The following ADGRV1 variants were observed in gnomAD, a reference collection of about 807,000 sequenced individuals.
The protein encoded by ADGRV1 is adhesion G protein-coupled receptor V1.
ADGRV1 carries 359 observed loss-of-function variants against 596.2 expected under a neutral mutation model. The ratio of observed to expected loss-of-function variants is 0.60; its 90% CI spans 0.55 to 0.66. The LOEUF (loss-of-function observed/expected upper bound fraction) is 0.66. Ranked by LOEUF, ADGRV1 falls within the 30% of genes least tolerant of loss-of-function variation. The pLI is 0.00. For synonymous variants in ADGRV1, 2,681 were observed against 2,679.2 expected (o/e 1.00, Z -0.02); for missense variants, 7,274 against 7,575.6 (o/e 0.96, Z 1.48).
At position 90,643,932 on chromosome 5, in the gene ADGRV1, G is replaced by C. The variant is rs1767340674; in HGVS notation, c.2683G>C (p.Asp895His). 6.2e-7 allele frequency: 1 copy of C among 1,612,422 alleles called. No individual in the cohort carries two copies. The change falls in exon 14 of 90, where the codon GAT becomes CAT. Residue 895 changes from aspartate (D) to histidine (H), a missense_variant. By Grantham distance (81) the Asp-to-His change is moderately conservative. Around this residue, in one of 5 missense-constraint regions of ADGRV1, gnomAD observed 1,715 missense variants for 1,708.8 expected, o/e 1.00. Transcript: ENST00000405460. ...DPHGIIEFVSDGLIVMINESK... is the reference protein window; with the variant it reads ...DPHGIIEFVSHGLIVMINESK... ...TCATGGCATTATAGAATTTGTTTCT[G>C]ATGGTCTAATTGTGATGATAAATGA...
chr5:90,736,648 C>A (rs1753262454), intron 50 of ADGRV1, among the ~76,000 whole-genome samples: 1 of 151,912 alleles, frequency 6.6e-6, no homozygotes, highest in Non-Finnish European at 1.5e-5. Context: ...TTTCCTTACT[C>A]ATTATTGATC....
chr5:91,032,435 T>A (rs970516107), intron 85 of ADGRV1, among the ~76,000 whole-genome samples: 1 of 152,224 alleles, frequency 6.6e-6, no homozygotes, highest in African/African-American at 2.4e-5. Flanking sequence ...AACTGACATG[T>A]AATGGTGAAT....
At chr5:90,729,211 G>A (rs1230559293) in intron 49 of ADGRV1, among the ~76,000 whole-genome samples, 5 of 152,082 alleles carry the variant, frequency 3.3e-5, no homozygotes, top group Non-Finnish European at 7.4e-5. Context: ...TATTTTATAC[G>A]CAGGATGCAA....
chr5:90,750,479 C>A, intron 52 of ADGRV1, 72 bp from the exon 53 acceptor site: 1 of 1,330,386 alleles, frequency 7.5e-7, no homozygotes, highest in Non-Finnish European at 1.0e-6. Context: ...TCCATAATAA[C>A]ATGAGACAAA....
chr5:90,992,301 T>C (rs1781035889), intron 85 of ADGRV1, among the ~76,000 whole-genome samples: 1 of 152,254 alleles, frequency 6.6e-6, no homozygotes, highest in African/African-American at 2.4e-5. Flanking sequence ...TGGCGATTAA[T>C]TATACAATTT....
chr5:90,683,522 T>C, intron 27 of ADGRV1, 64 bp from the exon 28 acceptor site: 2 of 1,266,506 alleles, frequency 1.6e-6, no homozygotes, highest in East Asian at 2.5e-5. Context: ...AATGTATTTA[T>C]AAGCCTCTAA....
chr5:90,671,803 G>T (rs1055511486), intron 21 of ADGRV1, among the ~76,000 whole-genome samples: 2 of 151,948 alleles, frequency 1.3e-5, no homozygotes, highest in African/African-American at 4.8e-5. Context: ...CAGTAGGAAG[G>T]CCTTACTCTA....
chr5:90,931,490 G>A (rs1349143388), intron 83 of ADGRV1, among the ~76,000 whole-genome samples: 1 of 152,118 alleles, frequency 6.6e-6, no homozygotes, highest in Non-Finnish European at 1.5e-5. Context: ...TCCTAGTGAT[G>A]CCCAAATTGA....
At chr5:90,769,080 G>A (rs1406732801) in intron 59 of ADGRV1, among the ~76,000 whole-genome samples, 5 of 152,258 alleles carry the variant, frequency 3.3e-5, no homozygotes, top group African/African-American at 9.6e-5. Flanking sequence ...CATGTGAGAA[G>A]GGGTTGTCTT....
At position 90,681,324 on chromosome 5, in the gene ADGRV1, G is replaced by A; in HGVS notation, c.5534G>A (p.Gly1845Glu). Residue 1845 changes from glycine to glutamate, a missense_variant, in exon 27 of 90, where the codon GGA (glycine) becomes GAA (glutamate). Gly to Glu is a moderately conservative substitution (Grantham distance 98, BLOSUM62 -2). This residue lies in a region of ADGRV1 where 3,643 missense variants were observed against 3,809.2 expected (regional missense o/e 0.96). Transcript: ENST00000405460. ...GAACTTGTTCATGCAGCCAGTCTAG[G>A]AGTGGCTTCCCAAATTCTAGTGACA... ...LPTIHKRASL[G>E]VASQILVTIA... The A allele has an allele frequency of 6.2e-7, 1 of 1,613,696 alleles. No homozygotes were observed.
intron 83 of ADGRV1, among the ~76,000 whole-genome samples, chr5:90,892,476 T>C (rs1770917388): frequency 1.3e-5 from 2 of 152,096 alleles, no homozygotes; most frequent in African/African-American, 4.8e-5. Context: ...TATGGATCCA[T>C]TAATCAAATA....
At chr5:90,867,637 G>T (rs1768258160) in intron 83 of ADGRV1, among the ~76,000 whole-genome samples, 1 of 152,198 alleles carries the variant, frequency 6.6e-6, no homozygotes, top group Admixed American at 6.5e-5. Flanking sequence ...CCCAAATGCT[G>T]GCTCCTTCTG....
intron 83 of ADGRV1, among the ~76,000 whole-genome samples, chr5:90,942,448 G>A (rs1776239664): frequency 6.6e-6 from 1 of 152,164 alleles, no homozygotes; most frequent in African/African-American, 2.4e-5. Flanking sequence ...TGGAAGATTG[G>A]AGAGTTTCTC....
chr5:91,134,344 C>G (rs114047421), intron 87 of ADGRV1, among the ~76,000 whole-genome samples: 1 of 152,082 alleles, frequency 6.6e-6, no homozygotes, highest in African/African-American at 2.4e-5. Context: ...TGCACCACTA[C>G]GCCTGGCTAA....
At chr5:90,888,341 T>C (rs4916824) in intron 83 of ADGRV1, among the ~76,000 whole-genome samples, 35,770 of 152,070 alleles carry the variant, frequency 0.24, 7,074 homozygotes, top group African/African-American at 0.53. Context: ...GCACTGTGAG[T>C]TCTTAAAGAG....
chr5:90,810,202 C>T (rs1053341427), intron 73 of ADGRV1, 31 bp from the exon 74 acceptor site: 8 of 1,490,536 alleles, frequency 5.4e-6, no homozygotes, highest in Admixed American at 4.9e-5. Context: ...TTTAAAAAAT[C>T]AATTTCTTCA....
At chr5:91,136,045 G>A (rs577564974) in intron 87 of ADGRV1, among the ~76,000 whole-genome samples, 2 of 152,314 alleles carry the variant, frequency 1.3e-5, no homozygotes, top group Admixed American at 6.5e-5. Flanking sequence ...GGCTGGTTCA[G>A]TATGCTTGGA....
intron 52 of ADGRV1, 117 bp downstream of exon 52, chr5:90,745,912 C>T (rs2149918678): frequency 1.6e-6 from 1 of 630,550 alleles, no homozygotes. Flanking sequence ...GCCTCTCTCC[C>T]TTCCCTTTCC....
chr5:90,777,008 G>T (rs1758309667), intron 61 of ADGRV1, among the ~76,000 whole-genome samples: 1 of 152,122 alleles, frequency 6.6e-6, no homozygotes, highest in African/African-American at 2.4e-5. Context: ...GTCTGTATTA[G>T]TCTGTTCTCA....
Sources: allele counts gnomAD v4.1 joint callset (sites outside exome capture counted in the v4.1 genomes callset), GRCh38; gene constraint gnomAD v4.1.1; regional missense constraint gnomAD v4.1.1; transcripts MANE v1.5; gene names NCBI Gene and HGNC (gene_info 2026-07-23, HGNC 2026-07-21).